The following TENM4 variants were observed in gnomAD, a reference collection of about 807,000 sequenced individuals.
TENM4 encodes the protein teneurin-4.
In TENM4, 82 loss-of-function variants were observed where a neutral mutation model predicts 243.3. That is an observed-to-expected ratio of 0.34 (90% CI 0.28 to 0.40). The LOEUF is 0.40. Ranked by LOEUF, TENM4 falls within the 10% of genes least tolerant of loss-of-function variation. TENM4 has a pLI of 1.00. For synonymous variants in TENM4, 1,412 were observed against 1,456.3 expected (o/e 0.97, Z 0.69); for missense variants, 3,138 against 3,673.3 (o/e 0.85, Z 3.77).
chr11:79,328,001 G>C (rs1021966547), intron 1 of TENM4, among the ~76,000 whole-genome samples: 3 of 152,154 alleles, frequency 2.0e-5, no homozygotes, highest in African/African-American at 7.2e-5. Context: ...AGGGACCCAA[G>C]GGTACATAAG....
chr11:78,708,075 C>T (rs941993903), intron 27 of TENM4, among the ~76,000 whole-genome samples: 2 of 152,218 alleles, frequency 1.3e-5, no homozygotes, highest in African/African-American at 2.4e-5. Context: ...TTTAATGTCA[C>T]GTGGTGTAAA....
chr11:78,882,764 A>C (rs487341), intron 9 of TENM4, among the ~76,000 whole-genome samples: 2 of 152,366 alleles, frequency 1.3e-5, no homozygotes, highest in South Asian at 4.1e-4. Context: ...TCCAACAAGC[A>C]AAGCTCTCTA....
chr11:79,359,965 C>A (rs538906), intron 1 of TENM4, among the ~76,000 whole-genome samples: 1 of 151,778 alleles, frequency 6.6e-6, no homozygotes, highest in African/African-American at 2.4e-5. Context: ...ACAAACTGTA[C>A]GCATGGCATG....
intron 3 of TENM4, among the ~76,000 whole-genome samples, chr11:79,172,156 G>A (rs953772446): frequency 7.2e-5 from 11 of 152,100 alleles, no homozygotes; most frequent in South Asian, 2.1e-4. Flanking sequence ...GTCTTACTAC[G>A]TTTCCCAGGC....
intron 2 of TENM4, among the ~76,000 whole-genome samples, chr11:79,242,608 T>G: frequency 6.6e-6 from 1 of 152,198 alleles, no homozygotes; most frequent in African/African-American, 2.4e-5. Flanking sequence ...CCCATGTCAT[T>G]AAAAGCTCTA....
chr11:79,148,571 G>GA lies in TENM4; in HGVS notation c.-66+138dup, dbSNP rs200677222. 600 of 161,932 alleles carry GA rather than the reference G, an allele frequency of 3.7e-3. 1 individual carries two copies. The highest frequency in any genetic ancestry group is 0.013 in the African/African-American group (545 of 41,290). The allele number at this position is 161,932 out of a possible 1,614,324, so 10.0% of individuals were successfully genotyped here. On this transcript the variant is annotated intron_variant, in intron 4 of 33. Coordinates refer to ENST00000278550, the MANE Select transcript of TENM4 (RefSeq NM_001098816.3). The stretch of plus-strand genomic sequence containing the variant: ...GCACTCTTTGTTCATTGTTCTTAGG[G>GA]AAAAAAAAATCTTTATTGTAAAATA...
chr11:79,143,464 G>T (rs570335802), intron 4 of TENM4, among the ~76,000 whole-genome samples: 31 of 152,106 alleles, frequency 2.0e-4, no homozygotes, highest in African/African-American at 7.5e-4. Flanking sequence ...CTCATAGGTC[G>T]GAATTTAACA....
intron 2 of TENM4, among the ~76,000 whole-genome samples, chr11:79,253,804 T>C (rs924958371): frequency 3.3e-5 from 5 of 152,186 alleles, no homozygotes; most frequent in African/African-American, 4.8e-5. Context: ...AAATCGATGA[T>C]GAACTTCTTT....
At chr11:79,249,945 A>G (rs566243469) in intron 2 of TENM4, among the ~76,000 whole-genome samples, 2 of 152,206 alleles carry the variant, frequency 1.3e-5, no homozygotes, top group African/African-American at 4.8e-5. Flanking sequence ...TTTATTGTGC[A>G]TCAGTGATTC....
intron 1 of TENM4, among the ~76,000 whole-genome samples, chr11:79,404,273 A>T (rs920869489): frequency 1.3e-5 from 2 of 152,246 alleles, no homozygotes; most frequent in African/African-American, 4.8e-5. Context: ...CAAACAAGGA[A>T]GTGGGGATTC....
chr11:79,346,530 C>T (rs912427677), intron 1 of TENM4, among the ~76,000 whole-genome samples: 1 of 152,158 alleles, frequency 6.6e-6, no homozygotes, highest in Non-Finnish European at 1.5e-5. Flanking sequence ...ACCACATACA[C>T]ACGCTTATTC....
chr11:79,386,757 T>G (rs1858120693), intron 1 of TENM4, among the ~76,000 whole-genome samples: 1 of 112,586 alleles, frequency 8.9e-6, no homozygotes, highest in Admixed American at 8.7e-5. Context: ...TCATTTTTTT[T>G]TTTTTAAGTG....
chr11:78,696,065 T>G (rs1171058589), intron 28 of TENM4, among the ~76,000 whole-genome samples: 1 of 152,146 alleles, frequency 6.6e-6, no homozygotes, highest in Non-Finnish European at 1.5e-5. Context: ...AATGCCATGT[T>G]CTGCATTTTC....
chr11:79,341,023 T>G (rs996533227), intron 1 of TENM4, among the ~76,000 whole-genome samples: 43 of 152,006 alleles, frequency 2.8e-4, no homozygotes, highest in Admixed American at 2.4e-3. Context: ...TAGTGTAGGA[T>G]CTGTGAAGCA....
intron 6 of TENM4, among the ~76,000 whole-genome samples, chr11:79,002,581 A>C (rs1436318819): frequency 6.6e-6 from 1 of 152,224 alleles, no homozygotes; most frequent in Non-Finnish European, 1.5e-5. Context: ...AGGCTAGTTG[A>C]GTGAATCCAC....
chr11:78,884,888 A>C (rs1405880139), intron 9 of TENM4, among the ~76,000 whole-genome samples: 2 of 152,224 alleles, frequency 1.3e-5, no homozygotes, highest in African/African-American at 4.8e-5. Flanking sequence ...CAGTGTCCTC[A>C]TCTGTCAATT....
rs140283623 is a variant in TENM4, at chr11:79,199,521, G to A, written c.-163+16287C>T. Among the ~76,000 whole-genome samples the A allele has an allele frequency of 1.1e-3, 163 of 152,270 alleles. 4 individuals carry two copies. The East Asian group carries it at 0.023, about 21-fold the overall frequency. ...TCATTGTCATTATTTATCCATAATC[G>A]TTATGTGTGCTGAGTAGAGGATATG... On this transcript the variant is annotated intron_variant, in intron 3 of 33. Transcript: ENST00000278550.
chr11:79,164,334 A>G (rs1381094806), intron 3 of TENM4, among the ~76,000 whole-genome samples: 7 of 121,488 alleles, frequency 5.8e-5, no homozygotes, highest in Non-Finnish European at 7.7e-5. Context: ...TATATAGTAT[A>G]TAGATATACT....
intron 4 of TENM4, among the ~76,000 whole-genome samples, chr11:79,115,697 C>G (rs763610141): frequency 6.6e-6 from 1 of 152,184 alleles, no homozygotes; most frequent in African/African-American, 2.4e-5. Flanking sequence ...CCTATTTGGG[C>G]ATTCCAAAGT....
Sources: gnomAD v4.1 joint callset for allele counts (sites outside exome capture counted in the v4.1 genomes callset) on GRCh38, gnomAD v4.1.1 for gene constraint, MANE v1.5 for transcripts, NCBI Gene and HGNC (gene_info 2026-07-23, HGNC 2026-07-21) for gene names.